The following KLF12 variants were observed in gnomAD, a reference collection of about 807,000 sequenced individuals.
The protein encoded by KLF12 is KLF transcription factor 12, also known as Krueppel-like factor 12.
KLF12 carries 9 observed loss-of-function variants against 37.8 expected under a neutral mutation model. That is an observed-to-expected ratio of 0.24 (90% confidence interval 0.14 to 0.42). The LOEUF is 0.42. Ranked by LOEUF, KLF12 falls within the 10% of genes least tolerant of loss-of-function variation. The pLI is 1.00. For synonymous variants in KLF12, 208 were observed against 202.1 expected (o/e 1.03, Z -0.25); for missense variants, 411 against 516.0 (o/e 0.80, Z 1.97).
intron 3 of KLF12, among the ~76,000 whole-genome samples, chr13:73,936,584 T>C (rs2139319905): frequency 6.6e-6 from 1 of 152,138 alleles, no homozygotes; most frequent in Middle Eastern, 3.4e-3. Flanking sequence ...TCCTCTACAG[T>C]ATTCTTCTCA....
chr13:74,267,332 T>C, the KLF12 span, among the ~76,000 whole-genome samples: 7 of 152,312 alleles, frequency 4.6e-5, no homozygotes, highest in African/African-American at 1.4e-4. Flanking sequence ...ATAGCCAAGA[T>C]GTGGAAGCAA....
At chr13:73,765,721 C>A (rs916121160) in intron 5 of KLF12, among the ~76,000 whole-genome samples, 34 of 152,232 alleles carry the variant, frequency 2.2e-4, no homozygotes, top group African/African-American at 7.9e-4. Flanking sequence ...GCTAGTAAAC[C>A]TCCGCCTCTT....
At chr13:74,016,345 T>C (rs1177729651) in intron 1 of KLF12, among the ~76,000 whole-genome samples, 2 of 152,042 alleles carry the variant, frequency 1.3e-5, no homozygotes, top group Non-Finnish European at 2.9e-5. Flanking sequence ...ACGGAGTATC[T>C]GGAATTCCAG....
chr13:74,225,324 G>C, the KLF12 span, among the ~76,000 whole-genome samples: 290 of 152,232 alleles, frequency 1.9e-3, no homozygotes, highest in Non-Finnish European at 3.2e-3. Flanking sequence ...TTTACAAGCA[G>C]AGTTTTGATT....
chr13:73,995,033 G>T lies in KLF12; in HGVS notation c.-11C>A. The T allele has an allele frequency of 6.2e-7, 1 of 1,604,230 alleles. No individual in the cohort carries two copies. On this transcript the variant is annotated 5_prime_UTR_variant, in exon 2 of 8. Coordinates refer to ENST00000377669, the MANE Select transcript of KLF12 (RefSeq NM_007249.5). Reference sequence around the variant, plus strand: ...CATATGGATATTCATTCATCCATTTGTTCTTAGAGTCACATTGATCCTGCA... The same window carrying T: ...CATATGGATATTCATTCATCCATTTTTTCTTAGAGTCACATTGATCCTGCA...
chr13:73,866,586 A>G (rs1886188704), intron 3 of KLF12, among the ~76,000 whole-genome samples: 1 of 152,152 alleles, frequency 6.6e-6, no homozygotes, highest in African/African-American at 2.4e-5. Context: ...AAAAAAAAAT[A>G]AAACAATTGA....
the KLF12 span, among the ~76,000 whole-genome samples, chr13:74,165,480 G>T: frequency 6.6e-6 from 1 of 151,928 alleles, no homozygotes; most frequent in East Asian, 1.9e-4. Context: ...TGTACTTTTA[G>T]TAGAGATGGG....
chr13:73,912,337 T>C (rs1017404002), intron 3 of KLF12, among the ~76,000 whole-genome samples: 1 of 152,166 alleles, frequency 6.6e-6, no homozygotes, highest in African/African-American at 2.4e-5. Flanking sequence ...TTCTCCAAAA[T>C]GATATGTTGA....
intron 1 of KLF12, among the ~76,000 whole-genome samples, chr13:74,104,937 A>G (rs1351878615): frequency 6.6e-6 from 1 of 152,092 alleles, no homozygotes; most frequent in Non-Finnish European, 1.5e-5. Context: ...CTTCTCCTCT[A>G]CAGCTTTTTA....
intron 1 of KLF12, among the ~76,000 whole-genome samples, chr13:74,071,411 G>A (rs1175121510): frequency 1.3e-5 from 2 of 152,170 alleles, no homozygotes; most frequent in Non-Finnish European, 2.9e-5. Context: ...CTGGGGCCGG[G>A]CGCAGTGGCT....
At chr13:74,257,510 A>C in the KLF12 span, 1 of 152,176 alleles carries the variant, frequency 6.6e-6, no homozygotes, top group Admixed American at 6.5e-5. Flanking sequence ...GAGCAGGAAC[A>C]TGTATGGATG....
At chr13:73,975,972 G>C (rs1046882757) in intron 2 of KLF12, among the ~76,000 whole-genome samples, 6 of 152,036 alleles carry the variant, frequency 3.9e-5, no homozygotes, top group Non-Finnish European at 7.4e-5. Flanking sequence ...ACACTGTATG[G>C]AGAAGTGCCT....
At chr13:73,789,282 G>C (rs1189525824) in intron 5 of KLF12, among the ~76,000 whole-genome samples, 1 of 152,100 alleles carries the variant, frequency 6.6e-6, no homozygotes, top group Non-Finnish European at 1.5e-5. Flanking sequence ...CATGTTATCT[G>C]GACTTCACAA....
chr13:74,123,241 T>C (rs1877741920), intron 1 of KLF12, among the ~76,000 whole-genome samples: 1 of 152,192 alleles, frequency 6.6e-6, no homozygotes, highest in Middle Eastern at 3.4e-3. Flanking sequence ...CATTTAAGAT[T>C]AAAAAAATGT....
At chr13:73,942,179 G>A (rs959082346) in intron 3 of KLF12, among the ~76,000 whole-genome samples, 4 of 152,130 alleles carry the variant, frequency 2.6e-5, no homozygotes, top group African/African-American at 7.2e-5. Context: ...TACCAAGACT[G>A]GTGACAGCAA....
the KLF12 span, among the ~76,000 whole-genome samples, chr13:74,165,298 T>C: frequency 2.5e-4 from 30 of 117,794 alleles, no homozygotes; most frequent in African/African-American, 9.5e-4. Flanking sequence ...TATTTTCTTT[T>C]CTTTTTTTTT....
At chr13:74,106,344 C>T (rs902603161) in intron 1 of KLF12, among the ~76,000 whole-genome samples, 1 of 152,108 alleles carries the variant, frequency 6.6e-6, no homozygotes, top group Non-Finnish European at 1.5e-5. Flanking sequence ...TATCTAAAAA[C>T]ATCATTTATT....
chr13:73,721,664 C>T (rs751550325), intron 6 of KLF12, among the ~76,000 whole-genome samples: 12 of 151,974 alleles, frequency 7.9e-5, no homozygotes, highest in East Asian at 1.9e-4. Context: ...ACAATCCTTC[C>T]GCCTCAGCCT....
At chr13:73,696,100 C>CA (rs953503489) in intron 7 of KLF12, among the ~76,000 whole-genome samples, 1 of 150,270 alleles carries the variant, frequency 6.7e-6, no homozygotes, top group African/African-American at 2.4e-5. Context: ...AACTGTGCAT[C>CA]ACTTAGATGG....
Sources: gnomAD v4.1 joint callset for allele counts (sites outside exome capture counted in the v4.1 genomes callset) on GRCh38, gnomAD v4.1.1 for gene constraint, MANE v1.5 for transcripts, NCBI Gene and HGNC (gene_info 2026-07-23, HGNC 2026-07-21) for gene names.